The following RANBP2 variants were observed in gnomAD, a reference collection of about 807,000 sequenced individuals.
RANBP2 encodes the protein RAN binding protein 2.
RANBP2 carries 57 observed loss-of-function variants against 303.6 expected under a neutral mutation model. The ratio of observed to expected loss-of-function variants is 0.19; its 90% CI spans 0.15 to 0.23. The LOEUF (loss-of-function observed/expected upper bound fraction) is 0.23. Ranked by LOEUF, RANBP2 falls within the 10% of genes least tolerant of loss-of-function variation. The pLI, the probability that RANBP2 is intolerant of heterozygous loss-of-function variation, is 1.00. For missense variants in RANBP2, 3,138 were observed against 3,780.8 expected, an observed-to-expected ratio of 0.83 and a Z score of 4.46; for synonymous variants, 1,167 against 1,301.5, an observed-to-expected ratio of 0.90 and a Z score of 2.23.
chr2:109,580,495 A>G, the RANBP2 span, among the ~76,000 whole-genome samples: 1 of 152,168 alleles, frequency 6.6e-6, no homozygotes, highest in African/African-American at 2.4e-5. Flanking sequence ...CAACAAAGCA[A>G]GCATGGTACA....
chr2:108,751,882 T>G lies in RANBP2; in HGVS notation c.1643T>G (p.Val548Gly), dbSNP rs3872469. The change falls in exon 12 of 29, where the codon GTA becomes GGA. Residue 548 changes from valine (V) to glycine (G), a missense_variant. By Grantham distance (109) the Val-to-Gly change is moderately radical (BLOSUM62 -3). This residue lies in a region of RANBP2 where 162 missense variants were observed against 286.9 expected (regional missense o/e 0.56). Transcript: ENST00000283195. ...LIHRKAVPGN[V>G]AKLRLLVQHE... ...GAACTATTTTTTAGACCTGGAAACG[T>G]AGCAAAATTGAGACTTCTAGTTCAG... The G allele has an allele frequency of 6.2e-7, 1 of 1,611,944 alleles. No individual in the cohort carries two copies. The highest frequency in any genetic ancestry group is 1.3e-5 in the African/African-American group (1 of 74,964).
the RANBP2 span, among the ~76,000 whole-genome samples, chr2:109,329,872 A>C: frequency 6.6e-6 from 1 of 152,210 alleles, no homozygotes; most frequent in East Asian, 1.9e-4. Flanking sequence ...AAGTTATATG[A>C]ATGTGAATGG....
At chr2:108,997,948 T>C in the RANBP2 span, among the ~76,000 whole-genome samples, 1 of 152,270 alleles carries the variant, frequency 6.6e-6, no homozygotes, top group Non-Finnish European at 1.5e-5. Context: ...CATCCTGGCA[T>C]GAGCAAGCTG....
chr2:109,210,767 C>T, the RANBP2 span, among the ~76,000 whole-genome samples: 34 of 152,164 alleles, frequency 2.2e-4, no homozygotes, highest in Middle Eastern at 3.2e-3. Flanking sequence ...GTGAATTAGT[C>T]GACTGCTTCT....
chr2:109,161,506 C>T, the RANBP2 span, among the ~76,000 whole-genome samples: 1 of 151,256 alleles, frequency 6.6e-6, no homozygotes, highest in African/African-American at 2.5e-5. Flanking sequence ...TATCGTAAGG[C>T]GATGTTTCCT....
chr2:109,448,399 G>T, the RANBP2 span, among the ~76,000 whole-genome samples: 1 of 152,198 alleles, frequency 6.6e-6, no homozygotes, highest in African/African-American at 2.4e-5. Flanking sequence ...TGCACAGCAG[G>T]TTGTGAGTGG....
chr2:108,964,790 G>A, the RANBP2 span, among the ~76,000 whole-genome samples: 1 of 152,198 alleles, frequency 6.6e-6, no homozygotes, highest in Non-Finnish European at 1.5e-5. Flanking sequence ...TCTACCCAGA[G>A]AGCTGAGGTT....
intron 1 of RANBP2, chr2:108,720,010 C>T: frequency 1.1e-5 from 11 of 985,340 alleles, no homozygotes; most frequent in Non-Finnish European, 1.3e-5. Flanking sequence ...CGGCCTAGTT[C>T]TCGGGGGCTT....
intron 18 of RANBP2, among the ~76,000 whole-genome samples, chr2:108,760,915 A>G (rs1304313817): frequency 6.6e-6 from 1 of 152,006 alleles, no homozygotes; most frequent in Non-Finnish European, 1.5e-5. Flanking sequence ...GCCCAATGCA[A>G]CCTCATCATT....
At chr2:109,642,367 T>C in the RANBP2 span, among the ~76,000 whole-genome samples, 3 of 152,238 alleles carry the variant, frequency 2.0e-5, no homozygotes, top group Non-Finnish European at 4.4e-5. Context: ...TGGACTGTAG[T>C]GCTATGTGTG....
the RANBP2 span, among the ~76,000 whole-genome samples, chr2:109,379,286 C>T: frequency 1.3e-5 from 2 of 152,216 alleles, no homozygotes; most frequent in Non-Finnish European, 2.9e-5. Flanking sequence ...TCAATCTCTC[C>T]AGCTTCAGTG....
At chr2:109,077,258 G>GGA in the RANBP2 span, among the ~76,000 whole-genome samples, 1 of 150,558 alleles carries the variant, frequency 6.6e-6, no homozygotes, top group African/African-American at 2.4e-5. Flanking sequence ...AAACTTAAAT[G>GGA]TAAGACCTTA....
At chr2:109,564,959 A>G in the RANBP2 span, among the ~76,000 whole-genome samples, 2 of 152,242 alleles carry the variant, frequency 1.3e-5, no homozygotes, top group Admixed American at 1.3e-4. Context: ...ACTCAAGAAT[A>G]CTATCCTTCC....
At chr2:108,789,306 C>A (rs1679510759), downstream of RANBP2, among the ~76,000 whole-genome samples, 1 of 152,034 alleles carries the variant, frequency 6.6e-6, no homozygotes, top group African/African-American at 2.4e-5. Flanking sequence ...AGAAAAGGAA[C>A]TATGGGCCAG....
chr2:109,546,273 G>C, the RANBP2 span: 1 of 1,425,822 alleles, frequency 7.0e-7, no homozygotes, highest in Non-Finnish European at 9.4e-7. Context: ...TACTGACACA[G>C]CGCGGCAGCA....
chr2:109,051,470 C>G, the RANBP2 span, among the ~76,000 whole-genome samples: 2 of 152,206 alleles, frequency 1.3e-5, no homozygotes, highest in Non-Finnish European at 2.9e-5. Context: ...AAACCCCATA[C>G]TCACATGCAA....
chr2:109,133,622 C>A, the RANBP2 span, among the ~76,000 whole-genome samples: 8 of 152,220 alleles, frequency 5.3e-5, no homozygotes, highest in South Asian at 1.7e-3. Flanking sequence ...TTAAATAGGA[C>A]CTCTCCACTA....
the RANBP2 span, among the ~76,000 whole-genome samples, chr2:109,597,721 A>G: frequency 6.6e-6 from 1 of 152,248 alleles, no homozygotes; most frequent in African/African-American, 2.4e-5. Context: ...GGTCTACCAT[A>G]TACTTTTTAA....
At chr2:109,062,315 T>C in the RANBP2 span, among the ~76,000 whole-genome samples, 12 of 152,170 alleles carry the variant, frequency 7.9e-5, no homozygotes, top group Admixed American at 2.6e-4. Flanking sequence ...TTTGTAATAG[T>C]TGAATTTCCT....
Sources: gnomAD v4.1 joint callset for allele counts (sites outside exome capture counted in the v4.1 genomes callset) on GRCh38, gnomAD v4.1.1 for gene constraint, gnomAD v4.1.1 regional missense constraint, MANE v1.5 for transcripts, NCBI Gene and HGNC (gene_info 2026-07-23, HGNC 2026-07-21) for gene names.